The following PTPRT variants were observed in gnomAD, a reference collection of about 807,000 sequenced individuals.
PTPRT encodes the protein receptor-type tyrosine-protein phosphatase T.
Under a neutral mutation model 176.8 loss-of-function variants are expected in PTPRT, and 56 were observed. The ratio of observed to expected loss-of-function variants is 0.32; its 90% CI spans 0.26 to 0.40. The LOEUF is 0.40. Among genes scored for constraint, PTPRT ranks in the 10% least tolerant of loss-of-function variants. The pLI, the probability that PTPRT is intolerant of heterozygous loss-of-function variation, is 1.00. For missense variants in PTPRT, 1,540 were observed against 1,908.2 expected (o/e 0.81, Z 3.60); for synonymous variants, 783 against 739.0 (o/e 1.06, Z -0.96).
chr20:42,359,405 A>C (rs947819010), intron 9 of PTPRT, among the ~76,000 whole-genome samples: 6 of 152,312 alleles, frequency 3.9e-5, no homozygotes, highest in Middle Eastern at 6.8e-3. Context: ...GAAATGTAAG[A>C]ATGAGACGGA....
chr20:42,321,400 C>T (rs1345967440), intron 11 of PTPRT, among the ~76,000 whole-genome samples: 1 of 152,152 alleles, frequency 6.6e-6, no homozygotes, highest in East Asian at 1.9e-4. Context: ...TGTGCAGCTA[C>T]AAAATCATAA....
intron 1 of PTPRT, among the ~76,000 whole-genome samples, chr20:43,053,580 C>A (rs1987127147): frequency 6.6e-6 from 1 of 152,312 alleles, no homozygotes; most frequent in South Asian, 2.1e-4. Flanking sequence ...CTGCACTCTT[C>A]ACTACCCACT....
chr20:42,248,382 C>T (rs111650558), intron 14 of PTPRT, among the ~76,000 whole-genome samples: 3 of 152,318 alleles, frequency 2.0e-5, no homozygotes, highest in African/African-American at 7.2e-5. Flanking sequence ...AACAACACAG[C>T]AGTTAACTCC....
chr20:43,073,900 G>A (rs1194471260), intron 1 of PTPRT, among the ~76,000 whole-genome samples: 2 of 152,014 alleles, frequency 1.3e-5, no homozygotes, highest in African/African-American at 2.4e-5. Flanking sequence ...ATAGGCATAT[G>A]TCACCAGGCC....
At chr20:43,061,358 G>T (rs976841599) in intron 1 of PTPRT, among the ~76,000 whole-genome samples, 6 of 152,180 alleles carry the variant, frequency 3.9e-5, no homozygotes, top group African/African-American at 9.7e-5. Context: ...GATGACATCT[G>T]CCCACTGCCT....
intron 1 of PTPRT, among the ~76,000 whole-genome samples, chr20:43,126,276 G>C (rs927206643): frequency 6.6e-6 from 1 of 151,906 alleles, no homozygotes; most frequent in Non-Finnish European, 1.5e-5. Flanking sequence ...GCTTGAACCT[G>C]GGAGATGGAG....
chr20:42,742,622 C>T lies in PTPRT; in HGVS notation c.859+13840G>A, dbSNP rs144588905. ...AAGGAGTGTATATCACTTCTGCACA[C>T]ACTCCTCTGGCCCCATCTGAATGGA... On this transcript the variant is annotated intron_variant, in intron 6 of 30. Coordinates refer to ENST00000373187, the MANE Select transcript of PTPRT (RefSeq NM_007050.6). Among the ~76,000 whole-genome samples, 683 of 152,292 alleles carry T rather than the reference C, an allele frequency of 4.5e-3. 5 individuals carry two copies. Among genetic ancestry groups the T allele is most frequent in the African/African-American group, 0.016 (660 of 41,546 alleles).
At position 42,084,785 on chromosome 20, in the gene PTPRT, C is replaced by T; in HGVS notation, c.4033G>A (p.Asp1345Asn). 1.9e-6 allele frequency: 3 copies of T among 1,553,902 alleles called. No homozygotes were observed. The highest frequency in any genetic ancestry group is 2.6e-6 in the Non-Finnish European group (3 of 1,145,438). ...AGAGAGCGCTTGGAGGGGGGCGTGTCCCGGTAGGCAGGCCAGCCAATGTAC... is the reference window on the plus strand; with the variant it reads ...AGAGAGCGCTTGGAGGGGGGCGTGTTCCGGTAGGCAGGCCAGCCAATGTAC... ...LQYIGWPAYR[D>N]TPPSKRSLLK... Residue 1345 changes from aspartate (D) to asparagine (N), a missense_variant, in exon 29 of 31, where the codon GAC becomes AAC. Asp to Asn is a conservative substitution (Grantham distance 23). This residue lies in a region of PTPRT where 342 missense variants were observed against 394.0 expected (regional missense o/e 0.87). Transcript: ENST00000373187.
intron 17 of PTPRT, among the ~76,000 whole-genome samples, chr20:42,157,440 G>A (rs557271354): frequency 2.9e-4 from 44 of 151,630 alleles, no homozygotes; most frequent in African/African-American, 1.0e-3. Flanking sequence ...GTGCCTCCTG[G>A]GTTCAAGTGA....
intron 1 of PTPRT, among the ~76,000 whole-genome samples, chr20:43,065,067 A>G (rs539013205): frequency 4.7e-4 from 71 of 152,298 alleles, no homozygotes; most frequent in African/African-American, 1.4e-3. Context: ...GTCATGCTCT[A>G]AACTGAAGGA....
At chr20:42,665,061 A>G (rs2075290385) in intron 7 of PTPRT, among the ~76,000 whole-genome samples, 1 of 152,116 alleles carries the variant, frequency 6.6e-6, no homozygotes, top group African/African-American at 2.4e-5. Context: ...TGTCTAAAAC[A>G]CCAAAAGCAA....
At chr20:42,473,627 T>G (rs2071237586) in intron 7 of PTPRT, among the ~76,000 whole-genome samples, 1 of 152,136 alleles carries the variant, frequency 6.6e-6, no homozygotes, top group South Asian at 2.1e-4. Context: ...GCCTACACCA[T>G]GCTTGGCTAA....
intron 15 of PTPRT, among the ~76,000 whole-genome samples, chr20:42,212,013 T>C (rs1021847218): frequency 1.4e-5 from 2 of 144,012 alleles, no homozygotes; most frequent in African/African-American, 5.1e-5. Context: ...TGGATGAAAC[T>C]GGAAAACATC....
chr20:43,007,067 A>G (rs1568730111), intron 1 of PTPRT, among the ~76,000 whole-genome samples: 1 of 152,220 alleles, frequency 6.6e-6, no homozygotes, highest in African/African-American at 2.4e-5. Flanking sequence ...TCTAAAATCA[A>G]TATAAAGAGA....
intron 1 of PTPRT, among the ~76,000 whole-genome samples, chr20:43,054,486 C>A (rs1987158656): frequency 6.6e-6 from 1 of 150,396 alleles, no homozygotes; most frequent in African/African-American, 2.5e-5. Context: ...CCCAGAACGT[C>A]AAGGCGGCAG....
intron 7 of PTPRT, among the ~76,000 whole-genome samples, chr20:42,616,695 A>C (rs2074086272): frequency 9.9e-6 from 1 of 101,160 alleles, no homozygotes; most frequent in Non-Finnish European, 1.9e-5. Flanking sequence ...ATTCTCTTTG[A>C]AGCAATTGTG....
the PTPRT span, among the ~76,000 whole-genome samples, chr20:42,067,253 G>A: frequency 1.3e-5 from 2 of 152,138 alleles, no homozygotes; most frequent in Non-Finnish European, 2.9e-5. Flanking sequence ...GAGCTGGTAC[G>A]GGGAGCTAGT....
At chr20:42,768,943 T>C (rs2077023774) in intron 5 of PTPRT, among the ~76,000 whole-genome samples, 1 of 152,218 alleles carries the variant, frequency 6.6e-6, no homozygotes, top group South Asian at 2.1e-4. Flanking sequence ...ATAAAATAAT[T>C]GGAAAACCCA....
At chr20:42,525,859 T>A (rs1386735727) in intron 7 of PTPRT, among the ~76,000 whole-genome samples, 1 of 152,232 alleles carries the variant, frequency 6.6e-6, no homozygotes, top group Non-Finnish European at 1.5e-5. Flanking sequence ...GGGACCATAT[T>A]CCTGAAATTG....
Sources: gnomAD v4.1 joint callset for allele counts (sites outside exome capture counted in the v4.1 genomes callset) on GRCh38, gnomAD v4.1.1 for gene constraint, gnomAD v4.1.1 regional missense constraint, MANE v1.5 for transcripts, NCBI Gene and HGNC (gene_info 2026-07-23, HGNC 2026-07-21) for gene names.